GTF3C2: variants seen among roughly 807,000 people sequenced by gnomAD.
GTF3C2 encodes general transcription factor 3C polypeptide 2.
GTF3C2 carries 17 observed loss-of-function variants against 117.4 expected under a neutral mutation model. The observed-to-expected ratio is 0.14, with a 90% CI of 0.10 to 0.22. GTF3C2 has a LOEUF of 0.22. Among genes scored for constraint, GTF3C2 ranks in the 10% least tolerant of loss-of-function variants. The probability of loss-of-function intolerance (pLI) is 1.00; values close to 1 mark genes in which losing one functional copy is unlikely to be tolerated. For synonymous variants in GTF3C2, 437 were observed against 427.0 expected, an observed-to-expected ratio of 1.02 and a Z score of -0.29; for missense variants, 888 against 1,143.6, an observed-to-expected ratio of 0.78 and a Z score of 3.22.
chr2:27,350,560 G>T lies in GTF3C2; in HGVS notation c.-25+6179C>A, dbSNP rs1050280279. ...CATGCCTGTAATCTCAACACTTTGG[G>T]AGGCCAAGGTGGGAGGATCGCTTGA... On this transcript the variant is annotated intron_variant, in intron 1 of 18. Coordinates refer to ENST00000264720, the Ensembl canonical transcript of GTF3C2. 8.5e-6 allele frequency: 8 copies of T among 946,584 alleles called. No individual in the cohort carries two copies. In the African/African-American group the frequency reaches 1.4e-4, roughly 17 times the overall value. The allele number at this position is 946,584 out of a possible 1,614,324, so 58.6% of individuals were successfully genotyped here.
intron 12 of GTF3C2, among the ~76,000 whole-genome samples, chr2:27,331,289 T>C (rs1205794020): frequency 1.3e-5 from 2 of 152,182 alleles, no homozygotes; most frequent in Admixed American, 6.5e-5. Context: ...CTAATTTCCT[T>C]ATCTTCCTAG....
chr2:27,328,605 AAG>A lies in GTF3C2; in HGVS notation c.2128-11_2128-10del, dbSNP rs771891747. The A allele has an allele frequency of 8.1e-6, 13 of 1,606,822 alleles. No individual in the cohort carries two copies. The African/African-American group carries it at 1.2e-4, about 15-fold the overall frequency. ...TCGGATCCTGAAAGACTCTAATAGA[AAG>A]AGACAGATTTCATTCATTCATATAT... On this transcript the variant is annotated splice_polypyrimidine_tract_variant and intron_variant, in intron 15 of 18. Transcript: ENST00000264720.
chr2:27,326,497 C>T (rs1680076629), exon 19 of GTF3C2: 14 of 613,154 alleles, frequency 2.3e-5, no homozygotes, highest in Admixed American at 3.0e-5. Context: ...CCGCAGGGGG[C>T]TGTGATCACA....
intron 10 of GTF3C2, chr2:27,335,333 C>G (rs748583373): frequency 1.3e-5 from 8 of 597,392 alleles, no homozygotes; most frequent in South Asian, 1.2e-4. Context: ...TTACCTGTGG[C>G]AGCAAGAGGG....
chr2:27,330,572 G>C (rs1481422895), intron 12 of GTF3C2, among the ~76,000 whole-genome samples: 1 of 152,186 alleles, frequency 6.6e-6, no homozygotes, highest in Non-Finnish European at 1.5e-5. Context: ...GCTCATGCCT[G>C]TAATCCTAGC....
At chr2:27,326,204 T>C (rs757644805) in exon 19 of GTF3C2, 8 of 472,186 alleles carry the variant, frequency 1.7e-5, no homozygotes, top group South Asian at 1.2e-4. Context: ...CTCGTGGGCA[T>C]ACATGATGGT....
intron 1 of GTF3C2, among the ~76,000 whole-genome samples, chr2:27,347,846 G>A (rs1680972240): frequency 6.6e-6 from 1 of 152,128 alleles, no homozygotes; most frequent in African/African-American, 2.4e-5. Flanking sequence ...AAAAGGGTGA[G>A]TTTAGGGCAG....
Position 27,329,246 on chromosome 2 carries a change from G to C in GTF3C2, c.1914C>G (p.Ile638Met), listed in dbSNP as rs568136490. Residue 638 changes from isoleucine (I) to methionine (M), a missense_variant, in exon 14 of 19, where the codon ATC becomes ATG. Physicochemically the swap from Ile to Met is conservative, Grantham distance 10. This residue lies in a region of GTF3C2 where 277 missense variants were observed against 445.4 expected (regional missense o/e 0.62). Coordinates refer to ENST00000264720, the Ensembl canonical transcript of GTF3C2. The surrounding 1 kb of genome is among the most constrained non-coding windows in gnomAD (Gnocchi z 4.5). ...AAGGACGTCGAAGGTCCCAGAATTTGATTTTCCGGTCACTCCCCGCAGAGA... is the reference window on the plus strand; with the variant it reads ...AAGGACGTCGAAGGTCCCAGAATTTCATTTTCCGGTCACTCCCCGCAGAGA... The C allele has an allele frequency of 6.2e-6, 10 of 1,614,176 alleles. No individual in the cohort carries two copies. In the Admixed American group the frequency reaches 6.7e-5, roughly 11 times the overall value.
intron 1 of GTF3C2, chr2:27,356,296 T>C (rs375415767): frequency 3.1e-4 from 118 of 378,578 alleles, no homozygotes; most frequent in African/African-American, 2.1e-3. Flanking sequence ...GGGACACAGC[T>C]GAAAGAGATT....
At chr2:27,326,374 T>A in exon 19 of GTF3C2, 1 of 513,822 alleles carries the variant, frequency 1.9e-6, no homozygotes, top group South Asian at 2.0e-5. Flanking sequence ...CTTAACAATA[T>A]GCTCAATATG....
At chr2:27,355,539 C>G (rs1400915082) in intron 1 of GTF3C2, among the ~76,000 whole-genome samples, 1 of 151,428 alleles carries the variant, frequency 6.6e-6, no homozygotes, top group Non-Finnish European at 1.5e-5. Context: ...AAAAAATACA[C>G]TTCTCATGGA....
chr2:27,348,270 GA>G lies in GTF3C2; in HGVS notation c.-24-4693del, dbSNP rs74532320. On this transcript the variant is annotated intron_variant, in intron 1 of 18. Coordinates refer to ENST00000264720, the Ensembl canonical transcript of GTF3C2. ...CGACAGAGCAGGACTCCGTCTGAGGGAAAAAAAAAAAAAAAACTAGCTGGGC... is the reference window on the plus strand; with the variant it reads ...CGACAGAGCAGGACTCCGTCTGAGGGAAAAAAAAAAAAAAACTAGCTGGGC... Among the ~76,000 whole-genome samples, 72 of 135,138 alleles carry G rather than the reference GA, an allele frequency of 5.3e-4. 1 individual carries two copies. Among genetic ancestry groups the G allele is most frequent in the East Asian group, 4.1e-3 (19 of 4,618 alleles). The allele number at this position is 135,138 out of a possible 152,430, so 88.7% of individuals were successfully genotyped here. A position where few individuals can be genotyped will look rare whatever the true frequency, so the allele number is the denominator to read the frequency against.
chr2:27,341,300 T>C (rs1232087433), intron 4 of GTF3C2: 1 of 152,492 alleles, frequency 6.6e-6, no homozygotes, highest in Admixed American at 6.5e-5. Context: ...CCTCCCAAAG[T>C]GCTGGGATTA....
intron 17 of GTF3C2, among the ~76,000 whole-genome samples, chr2:27,327,625 T>C (rs951467381): frequency 1.6e-4 from 8 of 48,902 alleles, no homozygotes; most frequent in African/African-American, 4.3e-4. Flanking sequence ...CGCCTGGCCC[T>C]TTTTTTTTTT....
intron 12 of GTF3C2, among the ~76,000 whole-genome samples, chr2:27,330,458 C>T (rs529434941): frequency 6.6e-6 from 1 of 150,750 alleles, no homozygotes; most frequent in African/African-American, 2.4e-5. Flanking sequence ...CGAGACTCCA[C>T]CTCAAAAAAA....
intron 18 of GTF3C2, 53 bp from the exon 19 acceptor site, chr2:27,326,946 G>A: frequency 8.3e-7 from 1 of 1,202,650 alleles, no homozygotes; most frequent in Non-Finnish European, 1.2e-6. Flanking sequence ...GTGCTTTAGG[G>A]TGACTCCTAG....
chr2:27,335,093 C>G (rs1425202474), intron 10 of GTF3C2, among the ~76,000 whole-genome samples: 1 of 152,214 alleles, frequency 6.6e-6, no homozygotes, highest in Non-Finnish European at 1.5e-5. Flanking sequence ...ATACTCAGTA[C>G]TAATGAAAAA....
chr2:27,329,374 C>T lies in GTF3C2; in HGVS notation c.1877+5G>A. On this transcript the variant is annotated splice_donor_5th_base_variant and intron_variant, in intron 13 of 18. Coordinates refer to ENST00000264720, the Ensembl canonical transcript of GTF3C2. This position sits in a 1 kb window ranked among gnomAD's most constrained non-coding sequence, Gnocchi z 4.5. Reference sequence around the variant, plus strand: ...TTCCCCCTCCACATACCTCCTATTCCATACCTGTTAGCTTTGCACCATTGA... The same window carrying T: ...TTCCCCCTCCACATACCTCCTATTCTATACCTGTTAGCTTTGCACCATTGA... 6 of 1,614,128 alleles carry T rather than the reference C, an allele frequency of 3.7e-6. No homozygotes were observed. Among genetic ancestry groups the T allele is most frequent in the Non-Finnish European group, 5.1e-6 (6 of 1,179,994 alleles).
At chr2:27,349,644 ATT>A (rs954355205) in intron 1 of GTF3C2, among the ~76,000 whole-genome samples, 2 of 143,384 alleles carry the variant, frequency 1.4e-5, no homozygotes, top group Non-Finnish European at 3.1e-5. Flanking sequence ...AGGGAGTACT[ATT>A]TTTTTTTTTT....
Sources: gnomAD v4.1 joint callset for allele counts (sites outside exome capture counted in the v4.1 genomes callset) on GRCh38, gnomAD v4.1.1 for gene constraint, gnomAD v4.1.1 regional missense constraint, Gnocchi (gnomAD v3.1) non-coding constraint, MANE v1.5 for transcripts, NCBI Gene and HGNC (gene_info 2026-07-23, HGNC 2026-07-21) for gene names.